Variants in LAMP5 observed in about 807,000 individuals in gnomAD.
LAMP5 encodes lysosome-associated membrane glycoprotein 5.
Under a neutral mutation model 30.2 loss-of-function variants are expected in LAMP5, and 36 were observed. The ratio of observed to expected loss-of-function variants is 1.19; its 90% CI spans 0.91 to 1.57. The LOEUF is 1.57. Ranked by LOEUF, LAMP5 falls within the 40% of genes most tolerant of loss-of-function variation. LAMP5 has a pLI of 0.00. For missense variants in LAMP5, 377 were observed against 354.9 expected, an observed-to-expected ratio of 1.06 and a Z score of -0.50; for synonymous variants, 149 against 134.6, an observed-to-expected ratio of 1.11 and a Z score of -0.74.
In LAMP5 at chr20:9,518,054, G is replaced by A. The variant is rs2122832597; in HGVS notation, c.490G>A (p.Ala164Thr). The A allele has an allele frequency of 3.1e-6, 5 of 1,613,634 alleles. No homozygotes were observed. In the South Asian group the frequency reaches 4.4e-5, roughly 14 times the overall value. Residue 164 changes from alanine to threonine, a missense_variant, in exon 5 of 6, where the codon GCC (alanine) becomes ACC (threonine). Physicochemically the swap from Ala to Thr is moderately conservative, Grantham distance 58. Coordinates refer to ENST00000246070, the MANE Select transcript of LAMP5 (RefSeq NM_012261.4). The stretch of plus-strand genomic sequence containing the variant: ...TCTTGCTGTAGCTGGGAAGCACACA[G>A]CCAACTCGCACCACCTCTCTGCCTT... ...KDAVSAGKHT[A>T]NSHHLSALVT...
At chr20:9,517,958 C>A in intron 4 of LAMP5, 82 bp from the exon 5 acceptor site, 4 of 1,281,648 alleles carry the variant, frequency 3.1e-6, no homozygotes, top group Non-Finnish European at 4.4e-6. Context: ...GTGTCTGGAA[C>A]TGAGAGGCAA....
At chr20:9,515,887 C>A in intron 2 of LAMP5, 113 bp from the exon 3 acceptor site, 1 of 1,254,210 alleles carries the variant, frequency 8.0e-7, no homozygotes. Flanking sequence ...CTGGGATGCG[C>A]GCGCGCAAAG....
At chr20:9,514,984 A>C (rs775229760) in intron 1 of LAMP5, 68 bp downstream of exon 1, 5 of 1,385,950 alleles carry the variant, frequency 3.6e-6, no homozygotes, top group South Asian at 2.3e-5. Flanking sequence ...CCGGCAAAGT[A>C]AAGTCAATTA....
rs769578321 is a variant in LAMP5 at position 9,516,023 on chromosome 20, C to T, written c.261C>T (p.Ile87=). 2.2e-5 allele frequency: 33 copies of T among 1,527,654 alleles called. No individual in the cohort carries two copies. The highest frequency in any genetic ancestry group is 2.8e-5 in the Non-Finnish European group (32 of 1,143,352). The allele number at this position is 1,527,654 out of a possible 1,614,324, so 94.6% of individuals were successfully genotyped here. The change falls in exon 3 of 6, where the codon ATC becomes ATT. Residue 87 remains isoleucine (I), a synonymous_variant. Coordinates refer to ENST00000246070, the MANE Select transcript of LAMP5 (RefSeq NM_012261.4). Reference sequence around the variant, plus strand: ...AGCTGATCACAGAACAGGCCGATATCGCATTGACCCGGGGAGCTGAGGTGA... The same window carrying T: ...AGCTGATCACAGAACAGGCCGATATTGCATTGACCCGGGGAGCTGAGGTGA... The part of the protein sequence containing the change: ...YVDLITEQAD[I]ALTRGAEVKG...
intron 5 of LAMP5, among the ~76,000 whole-genome samples, chr20:9,522,705 G>A (rs374475322): frequency 4.6e-5 from 7 of 152,152 alleles, no homozygotes; most frequent in East Asian, 3.9e-4. Context: ...ACTGATGGTC[G>A]CTGTGGAAGC....
rs1603167482 is a variant in LAMP5, at chr20:9,516,071, G to A, written c.309G>A (p.Gln103=). The A allele has an allele frequency of 1.3e-6, 2 of 1,547,734 alleles. No individual in the cohort carries two copies. The highest frequency in any genetic ancestry group is 2.2e-5 in the East Asian group (1 of 44,480). ...AEVKGRCGHS[Q]SELQVFWVDR... is the part of the protein sequence containing the mutation. ...TGAAGGGCCGCTGTGGCCACAGCCA[G>A]TCGGAGCTGCAAGTGTTCTGGGTGG... Residue 103 remains glutamine (Q), a synonymous_variant, in exon 3 of 6, where the codon CAG becomes CAA. Coordinates refer to ENST00000246070, the MANE Select transcript of LAMP5 (RefSeq NM_012261.4).
chr20:9,524,571 C>G (rs1440334066), intron 5 of LAMP5, among the ~76,000 whole-genome samples: 1 of 140,694 alleles, frequency 7.1e-6, no homozygotes, highest in Non-Finnish European at 1.5e-5. Context: ...GTTCATAATC[C>G]CTCATCTAAA....
chr20:9,514,782 C>T lies in LAMP5; in HGVS notation c.-71C>T. 1 of 1,462,222 alleles carries T rather than the reference C, an allele frequency of 6.8e-7. No individual in the cohort carries two copies. The highest frequency in any genetic ancestry group is 9.6e-7 in the Non-Finnish European group (1 of 1,046,808). 90.6% of individuals were successfully genotyped at this position (1,462,222 alleles called of 1,614,324 possible). ...CGCTCACCCCGGCCCACTCCAGCGG[C>T]GACTTTGAGGGATTCCCTCTCTGGC... On this transcript the variant is annotated 5_prime_UTR_variant, in exon 1 of 6. Transcript: ENST00000246070.
intron 2 of LAMP5, 27 bp from the exon 3 acceptor site, chr20:9,515,973 G>A: frequency 1.3e-6 from 2 of 1,482,908 alleles, no homozygotes; most frequent in Non-Finnish European, 1.8e-6. Context: ...GGCGAGCTGA[G>A]GGGGCGCGGG....
At chr20:9,524,359 G>C in intron 5 of LAMP5, among the ~76,000 whole-genome samples, 1 of 152,174 alleles carries the variant, frequency 6.6e-6, no homozygotes, top group Admixed American at 6.5e-5. Context: ...AAATGAAACA[G>C]AATAGAATAG....
chr20:9,520,543 T>A (rs1404453998), intron 5 of LAMP5, among the ~76,000 whole-genome samples: 1 of 151,872 alleles, frequency 6.6e-6, no homozygotes, highest in Non-Finnish European at 1.5e-5. Flanking sequence ...ACGTCATATA[T>A]CTGCACACCT....
At chr20:9,516,969 A>T (rs913062106) in intron 4 of LAMP5, among the ~76,000 whole-genome samples, 1 of 152,120 alleles carries the variant, frequency 6.6e-6, no homozygotes, top group African/African-American at 2.4e-5. Context: ...CCCCCAAATA[A>T]CAATATTCCT....
At chr20:9,515,846 CG>C (rs1315302762) in intron 2 of LAMP5, among the ~76,000 whole-genome samples, 153 bp from the exon 3 acceptor site, 1 of 152,222 alleles carries the variant, frequency 6.6e-6, no homozygotes, top group East Asian at 1.9e-4. Flanking sequence ...CGGGGCTGCA[CG>C]TAGAGCATCT....
chr20:9,518,514 T>C (rs960662380), intron 5 of LAMP5, among the ~76,000 whole-genome samples: 1 of 152,224 alleles, frequency 6.6e-6, no homozygotes, highest in African/African-American at 2.4e-5. Context: ...TTTCTTTACC[T>C]TCTTCCCTCC....
Position 9,515,642 on chromosome 20 carries a change from C to G in LAMP5, c.237+17C>G. ...TACGTAGATGTAAGGAATCTTTCCC[C>G]CCCCTCAGCTTGCTCCTAGGGCTCC... is the stretch of plus-strand genomic sequence containing the variant. On this transcript the variant is annotated intron_variant, in intron 2 of 5. Transcript: ENST00000246070. 6.2e-7 allele frequency: 1 copy of G among 1,612,414 alleles called. No homozygotes were observed. The highest frequency in any genetic ancestry group is 8.5e-7 in the Non-Finnish European group (1 of 1,178,872).
chr20:9,517,461 G>A (rs1193679049), intron 4 of LAMP5, among the ~76,000 whole-genome samples: 1 of 151,092 alleles, frequency 6.6e-6, no homozygotes, highest in Admixed American at 6.6e-5. Flanking sequence ...TTTTTGAAGT[G>A]CGGTCTCACT....
chr20:9,524,885 G>A (rs973388444), intron 5 of LAMP5, among the ~76,000 whole-genome samples: 10 of 152,164 alleles, frequency 6.6e-5, no homozygotes, highest in African/African-American at 2.4e-4. Context: ...AGTACTTTTG[G>A]TTTTCAGAGC....
intron 5 of LAMP5, among the ~76,000 whole-genome samples, chr20:9,521,336 A>G (rs1459203445): frequency 6.6e-6 from 1 of 152,148 alleles, no homozygotes; most frequent in Non-Finnish European, 1.5e-5. Flanking sequence ...TGTCTTATCA[A>G]TGGGTAACAG....
chr20:9,514,765 C>T lies in LAMP5; in HGVS notation c.-88C>T, dbSNP rs1290168132. ...CTCTGTCCCCCGCCTCTCGCTCACC[C>T]CGGCCCACTCCAGCGGCGACTTTGA... On this transcript the variant is annotated 5_prime_UTR_variant, in exon 1 of 6. Transcript: ENST00000246070. 7 of 1,244,316 alleles carry T rather than the reference C, an allele frequency of 5.6e-6. No individual in the cohort carries two copies. In the African/African-American group the frequency reaches 8.9e-5, roughly 16 times the overall value. The allele number at this position is 1,244,316 out of a possible 1,614,324, so 77.1% of individuals were successfully genotyped here.
Sources: gnomAD v4.1 joint callset for allele counts (sites outside exome capture counted in the v4.1 genomes callset) on GRCh38, gnomAD v4.1.1 for gene constraint, MANE v1.5 for transcripts, NCBI Gene and HGNC (gene_info 2026-07-23, HGNC 2026-07-21) for gene names.